Variants in RBM12B observed in about 807,000 individuals in gnomAD.
RBM12B encodes the protein RNA binding motif protein 12B.
Under a neutral mutation model 34.3 loss-of-function variants are expected in RBM12B, and 10 were observed. The ratio of observed to expected loss-of-function variants is 0.29; its 90% CI spans 0.18 to 0.49. The LOEUF (loss-of-function observed/expected upper bound fraction) is 0.49, where lower values mean the gene tolerates loss of function less well. Among genes scored for constraint, RBM12B ranks in the 20% least tolerant of loss-of-function variants. The pLI is 0.99. For synonymous variants in RBM12B, 477 were observed against 437.1 expected (o/e 1.09, Z -1.14); for missense variants, 1,139 against 1,262.7 (o/e 0.90, Z 1.48).
chr8:93,738,733 G>C (rs1812100588), intron 2 of RBM12B, among the ~76,000 whole-genome samples: 1 of 152,180 alleles, frequency 6.6e-6, no homozygotes, highest in Non-Finnish European at 1.5e-5. Flanking sequence ...ACAGTGCTAG[G>C]ATTTACAGGT....
chr8:93,733,331 ACTT>A lies in RBM12B; in HGVS notation c.*71_*73del. 2 of 1,211,876 alleles carry A rather than the reference ACTT, an allele frequency of 1.7e-6. No homozygotes were observed. The highest frequency in any genetic ancestry group is 2.2e-6 in the Non-Finnish European group (2 of 916,262). 75.1% of individuals were successfully genotyped at this position (1,211,876 alleles called of 1,614,324 possible). A position where few individuals can be genotyped will look rare whatever the true frequency, so the allele number is the denominator to read the frequency against. ...TCATTAGATAATTTAAAAAAAAAAC[ACTT>A]TTTTAAAACAAATGTATTTTACTCC... On this transcript the variant is annotated 3_prime_UTR_variant, in exon 4 of 4. Transcript: ENST00000520560.
Position 93,728,466 on chromosome 8 carries a change from T to C in RBM12B, c.*4939A>G. On this transcript the variant is annotated 3_prime_UTR_variant, in exon 4 of 4. Coordinates refer to ENST00000520560, the MANE Select transcript of RBM12B (RefSeq NM_001377960.1). ...CAAAAATGAAGGCTTTAAAAAATAT[T>C]GCATACCAGTCATTTCAACATCCTA... is the stretch of plus-strand genomic sequence containing the variant. 2.0e-6 allele frequency: 1 copy of C among 488,208 alleles called. No homozygotes were observed. Among genetic ancestry groups the C allele is most frequent in the Non-Finnish European group, 3.6e-6 (1 of 275,090 alleles). The allele number at this position is 488,208 out of a possible 1,614,324, so 30.2% of individuals were successfully genotyped here. A position where few individuals can be genotyped will look rare whatever the true frequency, so the allele number is the denominator to read the frequency against.
At position 93,734,042 on chromosome 8, in the gene RBM12B, G is replaced by A. The variant is rs17853904; in HGVS notation, c.2369C>T (p.Pro790Leu). The A allele has an allele frequency of 1.8e-5, 28 of 1,594,762 alleles. No homozygotes were observed. Among genetic ancestry groups the A allele is most frequent in the East Asian group, 1.1e-4 (5 of 44,670 alleles). The change falls in exon 4 of 4, where the codon CCG becomes CTG. Residue 790 changes from proline (P) to leucine (L), a missense_variant. Pro to Leu is a moderately conservative substitution (Grantham distance 98). Coordinates refer to ENST00000520560, the MANE Select transcript of RBM12B (RefSeq NM_001377960.1). ...GGAGCGCCTGAAATGCTCCTGAGGC[G>A]GCCGCCTGAAATGCTCCTGGGGCGG... is the stretch of plus-strand genomic sequence containing the variant. ...RRPPQEHFRR[P>L]PQEHFRRSRE...
At position 93,731,435 on chromosome 8, in the gene RBM12B, A is replaced by G. The variant is rs1010829532; in HGVS notation, c.*1970T>C. 1 of 152,196 alleles carries G rather than the reference A, an allele frequency of 6.6e-6. No individual in the cohort carries two copies. Among genetic ancestry groups the G allele is most frequent in the Non-Finnish European group, 1.5e-5 (1 of 68,040 alleles). The allele number at this position is 152,196 out of a possible 1,614,324, so 9.4% of individuals were successfully genotyped here. A position where few individuals can be genotyped will look rare whatever the true frequency, so the allele number is the denominator to read the frequency against. On this transcript the variant is annotated 3_prime_UTR_variant, in exon 4 of 4. Coordinates refer to ENST00000520560, the MANE Select transcript of RBM12B (RefSeq NM_001377960.1). ...ATTGTGCTTGGTTTGGATATTCCAA[A>G]CAATCAATTTAACATTATCCTAGCT...
At chr8:93,739,825 C>T (rs1162155116) in intron 2 of RBM12B, among the ~76,000 whole-genome samples, 1 of 152,160 alleles carries the variant, frequency 6.6e-6, no homozygotes, top group East Asian at 1.9e-4. Context: ...TTTTAAATAA[C>T]TGCTATTTTT....
chr8:93,735,955 G>C lies in RBM12B; in HGVS notation c.456C>G (p.Ala152=). 1 of 1,614,130 alleles carries C rather than the reference G, an allele frequency of 6.2e-7. No homozygotes were observed. Residue 152 remains alanine, a synonymous_variant, in exon 4 of 4, where the codon GCC becomes GCG. Transcript: ENST00000520560. ...LRPRKTRPLK[A]ENPYLFLRGL... ...CTCGTAGAAACAAGTAAGGATTCTC[G>C]GCCTTCAATGGCCTTGTCTTTCTTG...
At position 93,735,440 on chromosome 8, in the gene RBM12B, G is replaced by A. The variant is rs1345487622; in HGVS notation, c.971C>T (p.Thr324Ile). The A allele has an allele frequency of 6.2e-7, 1 of 1,613,274 alleles. No individual in the cohort carries two copies. ...CTTGAACATCACAAAGGCATATCTT[G>A]TTCTATTTTCATCTTTATATAAAAA... ...IRFLYKDENRTRYAFVMFKTL... is the reference protein window; with the variant it reads ...IRFLYKDENRIRYAFVMFKTL... Residue 324 changes from threonine (T) to isoleucine (I), a missense_variant, in exon 4 of 4, where the codon ACA becomes ATA. This residue lies in a region of RBM12B where 863 missense variants were observed against 869.5 expected (regional missense o/e 0.99). Coordinates refer to ENST00000520560, the MANE Select transcript of RBM12B (RefSeq NM_001377960.1).
rs749887516 is a variant in RBM12B, at chr8:93,732,999, A to G, written c.*406T>C. On this transcript the variant is annotated 3_prime_UTR_variant, in exon 4 of 4. Transcript: ENST00000520560. Reference sequence around the variant, plus strand: ...GCAATGAAAATGCCAAACCTGAACAATCAGTCACTATTTCCTTATACAGTT... The same window carrying G: ...GCAATGAAAATGCCAAACCTGAACAGTCAGTCACTATTTCCTTATACAGTT... 1.5e-3 allele frequency: 224 copies of G among 153,102 alleles called. 9 individuals carry two copies. Among genetic ancestry groups the G allele is most frequent in the Non-Finnish European group, 4.1e-4 (28 of 68,742 alleles). 9.5% of individuals were successfully genotyped at this position (153,102 alleles called of 1,614,324 possible). A position where few individuals can be genotyped will look rare whatever the true frequency, so the allele number is the denominator to read the frequency against.
At chr8:93,740,200 G>A in intron 2 of RBM12B, 1 of 417,334 alleles carries the variant, frequency 2.4e-6, no homozygotes. Flanking sequence ...CCAAAGGAAT[G>A]ACCAATGAGA....
chr8:93,733,771 T>C lies in RBM12B; in HGVS notation c.2640A>G (p.Arg880=), dbSNP rs773580715. The change falls in exon 4 of 4, where the codon AGA becomes AGG. Residue 880 remains arginine, a synonymous_variant. Coordinates refer to ENST00000520560, the MANE Select transcript of RBM12B (RefSeq NM_001377960.1). ...EDFRSPPDDF[R]SHRPFVNFGR... Reference sequence around the variant, plus strand: ...CAAAATTCACAAAAGGGCGGTGACTTCTAAAATCATCAGGCGGGCTCCTAA... The same window carrying C: ...CAAAATTCACAAAAGGGCGGTGACTCCTAAAATCATCAGGCGGGCTCCTAA... 9.9e-6 allele frequency: 16 copies of C among 1,613,936 alleles called. No individual in the cohort carries two copies. Among genetic ancestry groups the C allele is most frequent in the Non-Finnish European group, 1.4e-5 (16 of 1,180,012 alleles).
rs912374965 is a variant in RBM12B, at chr8:93,740,963, C to T, written c.-228G>A. 2 of 192,608 alleles carry T rather than the reference C, an allele frequency of 1.0e-5. No individual in the cohort carries two copies. Among genetic ancestry groups the T allele is most frequent in the Non-Finnish European group, 2.2e-5 (2 of 90,722 alleles). 11.9% of individuals were successfully genotyped at this position (192,608 alleles called of 1,614,324 possible). A position where few individuals can be genotyped will look rare whatever the true frequency, so the allele number is the denominator to read the frequency against. On this transcript the variant is annotated 5_prime_UTR_variant, in exon 1 of 4. Coordinates refer to ENST00000520560, the MANE Select transcript of RBM12B (RefSeq NM_001377960.1). ...AGCCTCCCCAAAACAGGTAGACCCT[C>T]AGTGAGCCCAGAAGAAGATGGCGCC...
Position 93,736,147 on chromosome 8 carries a change from A to G in RBM12B, c.264T>C (p.Thr88=). ...CTGGACGCCCTCTTCCTACACGATC[A>G]GTTCTTTTCATTTCTATAGTCTTCT... ...EMQKTIEMKR[T]DRVGRGRPGS... Residue 88 remains threonine, a synonymous_variant, in exon 4 of 4, where the codon ACT becomes ACC. Coordinates refer to ENST00000520560, the MANE Select transcript of RBM12B (RefSeq NM_001377960.1). 2.5e-6 allele frequency: 4 copies of G among 1,614,234 alleles called. No homozygotes were observed. The highest frequency in any genetic ancestry group is 2.2e-5 in the South Asian group (2 of 91,086).
rs1332192505 is a variant in RBM12B at position 93,729,153 on chromosome 8, G to A, written c.*4252C>T. The A allele has an allele frequency of 6.6e-6, 1 of 151,908 alleles. No homozygotes were observed. The highest frequency in any genetic ancestry group is 2.4e-5 in the African/African-American group (1 of 41,358). The allele number at this position is 151,908 out of a possible 1,614,324, so 9.4% of individuals were successfully genotyped here. The stretch of plus-strand genomic sequence containing the variant: ...AATACTTTTATTTCATGGATCCCAG[G>A]CAGGCATATAAAAGTTACGGAATTT... On this transcript the variant is annotated 3_prime_UTR_variant, in exon 4 of 4. Transcript: ENST00000520560.
rs934827849 is a variant in RBM12B at position 93,730,258 on chromosome 8, C to T, written c.*3147G>A. 4.6e-5 allele frequency: 7 copies of T among 152,188 alleles called. No individual in the cohort carries two copies. Among genetic ancestry groups the T allele is most frequent in the Non-Finnish European group, 8.8e-5 (6 of 68,044 alleles). The allele number at this position is 152,188 out of a possible 1,614,324, so 9.4% of individuals were successfully genotyped here. A position where few individuals can be genotyped will look rare whatever the true frequency, so the allele number is the denominator to read the frequency against. ...TGCAAAAACAGAGGCAGCAAGGTCA[C>T]TACTTAACAGGTGATATATGGATCA... On this transcript the variant is annotated 3_prime_UTR_variant, in exon 4 of 4. Coordinates refer to ENST00000520560, the MANE Select transcript of RBM12B (RefSeq NM_001377960.1).
In RBM12B at chr8:93,736,046, T is replaced by C. The variant is rs773965515; in HGVS notation, c.365A>G (p.Tyr122Cys). The C allele has an allele frequency of 6.2e-7, 1 of 1,614,132 alleles. No homozygotes were observed. Among genetic ancestry groups the C allele is most frequent in the African/African-American group, 1.3e-5 (1 of 74,940 alleles). ...AGCATCTTGATTAATTGAAGAGCCA[T>C]ATCCAGAATTACTTGCTTCTTCCTT... Reference protein sequence around the residue: ...SVKEEASNSGYGSSINQDAGF... With the variant: ...SVKEEASNSGCGSSINQDAGF... Residue 122 changes from tyrosine (Y) to cysteine (C), a missense_variant, in exon 4 of 4, where the codon TAT (tyrosine) becomes TGT (cysteine). Around this residue, in one of 3 missense-constraint regions of RBM12B, gnomAD observed 216 missense variants for 292.2 expected, o/e 0.74. Transcript: ENST00000520560.
Position 93,734,108 on chromosome 8 carries a change from G to A in RBM12B, c.2303C>T (p.Pro768Leu). Residue 768 changes from proline (P) to leucine (L), a missense_variant, in exon 4 of 4, where the codon CCA becomes CTA. Coordinates refer to ENST00000520560, the MANE Select transcript of RBM12B (RefSeq NM_001377960.1). ...CGGGGGCGGGCGCCTGAAATGCTCT[G>A]GGGGTGGCCGCCTGAAGTGCTCTGG... ...PPPEHFRRPP[P>L]EHFRRPPPEH... 6.4e-7 allele frequency: 1 copy of A among 1,558,298 alleles called. No homozygotes were observed.
intron 2 of RBM12B, chr8:93,740,382 A>G (rs1417058456): frequency 2.2e-6 from 1 of 457,280 alleles, no homozygotes; most frequent in African/African-American, 2.0e-5. Context: ...CAAAGTTGCT[A>G]CGTGGGATCC....
chr8:93,735,120 A>G lies in RBM12B; in HGVS notation c.1291T>C (p.Tyr431His). 1.9e-6 allele frequency: 3 copies of G among 1,614,188 alleles called. No individual in the cohort carries two copies. Among genetic ancestry groups the G allele is most frequent in the Non-Finnish European group, 2.5e-6 (3 of 1,180,046 alleles). Residue 431 changes from tyrosine to histidine, a missense_variant, in exon 4 of 4, where the codon TAC (tyrosine) becomes CAC (histidine). Transcript: ENST00000520560. ...ACACCTTTGTCATCATAAAGCAAGT[A>G]AATGTCATCCTCAGCAAGAAGAAAG... The part of the protein sequence containing the change: ...ADFLLAEDDI[Y>H]LLYDDKGVGL...
chr8:93,740,619 A>T lies in RBM12B; in HGVS notation c.-78+10T>A. The T allele has an allele frequency of 2.4e-6, 1 of 410,486 alleles. No homozygotes were observed. The highest frequency in any genetic ancestry group is 4.9e-6 in the Non-Finnish European group (1 of 204,704). 25.4% of individuals were successfully genotyped at this position (410,486 alleles called of 1,614,324 possible). ...CTGACTACGATGACATAGCAAAGAAAAAAATATACCTATGAAATCCTTCGA... is the reference window on the plus strand; with the variant it reads ...CTGACTACGATGACATAGCAAAGAATAAAATATACCTATGAAATCCTTCGA... On this transcript the variant is annotated intron_variant, in intron 2 of 3. Transcript: ENST00000520560.
Sources: allele counts gnomAD v4.1 joint callset (sites outside exome capture counted in the v4.1 genomes callset), GRCh38; gene constraint gnomAD v4.1.1; regional missense constraint gnomAD v4.1.1; transcripts MANE v1.5; gene names NCBI Gene and HGNC (gene_info 2026-07-23, HGNC 2026-07-21).